The following ARHGEF10 variants were observed in gnomAD, a reference collection of about 807,000 sequenced individuals.
ARHGEF10 encodes Rho guanine nucleotide exchange factor 10, also known as Rho guanine nucleotide exchange factor (GEF) 10.
Under a neutral mutation model 147.4 loss-of-function variants are expected in ARHGEF10, and 140 were observed. That is an observed-to-expected ratio of 0.95 (90% CI 0.83 to 1.09). The LOEUF (loss-of-function observed/expected upper bound fraction) is 1.09. Among genes scored for constraint, ARHGEF10 ranks in the 50% least tolerant of loss-of-function variants. ARHGEF10 has a pLI of 0.00. For missense variants in ARHGEF10, 2,222 were observed against 1,752.7 expected (o/e 1.27, Z -4.78); for synonymous variants, 902 against 695.8 (o/e 1.30, Z -4.67).
intron 28 of ARHGEF10, among the ~76,000 whole-genome samples, chr8:1,956,316 G>C (rs559348937): frequency 6.6e-6 from 1 of 152,292 alleles, no homozygotes; most frequent in South Asian, 2.1e-4. Context: ...AAAATGGCAG[G>C]CAGCCGGTAG....
intron 11 of ARHGEF10, among the ~76,000 whole-genome samples, chr8:1,890,720 C>T (rs911718406): frequency 7.4e-6 from 1 of 135,758 alleles, no homozygotes; most frequent in African/African-American, 3.0e-5. Flanking sequence ...TGGGGTGTCA[C>T]TGGGTAAGAG....
rs1802582533 is a variant in ARHGEF10, at chr8:1,824,031, C to T, written c.-130C>T. On this transcript the variant is annotated 5_prime_UTR_variant, in exon 1 of 29. Coordinates refer to ENST00000349830, the MANE Select transcript of ARHGEF10 (RefSeq NM_014629.4). ...GACGGCGGGGAACGGCGGGGGACGG[C>T]GGGGAACAGCGGGGGACGGCGGGGA... The T allele has an allele frequency of 3.7e-5, 1 of 27,120 alleles. No homozygotes were observed. Among genetic ancestry groups the T allele is most frequent in the Admixed American group, 5.3e-4 (1 of 1,896 alleles). 1.7% of individuals were successfully genotyped at this position (27,120 alleles called of 1,614,324 possible).
chr8:1,859,771 CG>C (rs1282769998), intron 3 of ARHGEF10, 125 bp from the exon 4 acceptor site: 1 of 1,182,296 alleles, frequency 8.5e-7, no homozygotes, highest in Non-Finnish European at 1.2e-6. Context: ...GACCTGGGAA[CG>C]TCTAGGGGTC....
chr8:1,846,992 G>T (rs1389308952), intron 2 of ARHGEF10, among the ~76,000 whole-genome samples: 1 of 152,202 alleles, frequency 6.6e-6, no homozygotes, highest in Non-Finnish European at 1.5e-5. Context: ...TGCTCTTGGG[G>T]CCTCCTGGCA....
intron 2 of ARHGEF10, among the ~76,000 whole-genome samples, chr8:1,855,193 T>G: frequency 6.6e-6 from 1 of 152,238 alleles, no homozygotes; most frequent in East Asian, 1.9e-4. Context: ...TTGTCAAGCT[T>G]TTTTAAAAAA....
At chr8:1,884,593 C>T (rs1465356913) in intron 10 of ARHGEF10, among the ~76,000 whole-genome samples, 1 of 152,140 alleles carries the variant, frequency 6.6e-6, no homozygotes, top group Non-Finnish European at 1.5e-5. Context: ...GTCTGGGCAT[C>T]AGTAGGTTTT....
chr8:1,890,723 G>T (rs1418482500), intron 11 of ARHGEF10, among the ~76,000 whole-genome samples: 1 of 151,990 alleles, frequency 6.6e-6, no homozygotes, highest in South Asian at 2.1e-4. Context: ...GGTGTCACTG[G>T]GTAAGAGTCG....
chr8:1,904,816 T>G (rs1810752009), intron 16 of ARHGEF10, among the ~76,000 whole-genome samples: 1 of 144,834 alleles, frequency 6.9e-6, no homozygotes, highest in Admixed American at 6.9e-5. Context: ...GTTTTTCTTG[T>G]GGGCTGAGTT....
chr8:1,898,314 G>C lies in ARHGEF10; in HGVS notation c.1558-119G>C, dbSNP rs1810176748. On this transcript the variant is annotated intron_variant, in intron 14 of 28. Transcript: ENST00000349830. ...GGCCAAGTTTCTTCTTGTAGCTGAA[G>C]ACAAGGTGCAGGCTTTTGACTTTCC... 5 of 860,260 alleles carry C rather than the reference G, an allele frequency of 5.8e-6. No individual in the cohort carries two copies. In the Admixed American group the frequency reaches 1.0e-4, roughly 17 times the overall value. The allele number at this position is 860,260 out of a possible 1,614,324, so 53.3% of individuals were successfully genotyped here.
intron 1 of ARHGEF10, among the ~76,000 whole-genome samples, chr8:1,830,070 C>T (rs549971789): frequency 2.0e-5 from 3 of 152,322 alleles, no homozygotes; most frequent in East Asian, 1.9e-4. Context: ...AGGCAGCTCC[C>T]GCTTGCTCTA....
chr8:1,904,806 GT>G (rs775869145), intron 16 of ARHGEF10, among the ~76,000 whole-genome samples: 19 of 149,520 alleles, frequency 1.3e-4, no homozygotes, highest in Non-Finnish European at 2.7e-4. Flanking sequence ...TGAGGACTCT[GT>G]TTTTCTTGTG....
intron 1 of ARHGEF10, among the ~76,000 whole-genome samples, chr8:1,841,198 A>G (rs987677242): frequency 2.6e-5 from 4 of 152,182 alleles, no homozygotes; most frequent in African/African-American, 9.7e-5. Flanking sequence ...CCATTGAAAA[A>G]TAATAACAGT....
chr8:1,857,288 T>C (rs1805621186), intron 2 of ARHGEF10, among the ~76,000 whole-genome samples: 1 of 152,224 alleles, frequency 6.6e-6, no homozygotes, highest in Non-Finnish European at 1.5e-5. Context: ...CAGAAGTTAT[T>C]TCTAAAAGTA....
chr8:1,954,622 G>GCTGC (rs1815331175), intron 28 of ARHGEF10, among the ~76,000 whole-genome samples: 1 of 152,152 alleles, frequency 6.6e-6, no homozygotes, highest in Non-Finnish European at 1.5e-5. Flanking sequence ...GTCAGAAGGG[G>GCTGC]CTGTGACTCA....
intron 25 of ARHGEF10, among the ~76,000 whole-genome samples, chr8:1,933,486 C>T (rs1006452033): frequency 7.0e-6 from 1 of 143,376 alleles, no homozygotes; most frequent in Admixed American, 7.8e-5. Flanking sequence ...CGATCTTACC[C>T]TGAAGGAAGC....
chr8:1,882,317 C>T (rs537763274), intron 9 of ARHGEF10, among the ~76,000 whole-genome samples: 5 of 152,252 alleles, frequency 3.3e-5, no homozygotes, highest in African/African-American at 1.2e-4. Context: ...TAATTCGAGG[C>T]GAGTTGTTTG....
chr8:1,908,530 C>T (rs1200330957), intron 17 of ARHGEF10, among the ~76,000 whole-genome samples: 1 of 152,162 alleles, frequency 6.6e-6, no homozygotes, highest in Non-Finnish European at 1.5e-5. Flanking sequence ...CCGCGCCCGG[C>T]CCACACTTTG....
At chr8:1,833,339 C>CAGAGACAGAGGCAGAG (rs1454309023) in intron 1 of ARHGEF10, among the ~76,000 whole-genome samples, 6 of 101,360 alleles carry the variant, frequency 5.9e-5, no homozygotes, top group Admixed American at 4.9e-4. Context: ...GAGACAGAGG[C>CAGAGACAGAGGCAGAG]AGAGACAGAG....
At chr8:1,898,837 C>T (rs1000069561) in intron 15 of ARHGEF10, among the ~76,000 whole-genome samples, 2 of 152,080 alleles carry the variant, frequency 1.3e-5, no homozygotes, top group Non-Finnish European at 2.9e-5. Flanking sequence ...ACTGGGGGGC[C>T]GCGGGGCTTG....
Sources: gnomAD v4.1 joint callset for allele counts (sites outside exome capture counted in the v4.1 genomes callset) on GRCh38, gnomAD v4.1.1 for gene constraint, MANE v1.5 for transcripts, NCBI Gene and HGNC (gene_info 2026-07-23, HGNC 2026-07-21) for gene names.